ABHD3: variants seen among roughly 807,000 people sequenced by gnomAD.
ABHD3 encodes phospholipase ABHD3.
Under a neutral mutation model 48.8 loss-of-function variants are expected in ABHD3, and 46 were observed. The ratio of observed to expected loss-of-function variants is 0.94; its 90% CI spans 0.74 to 1.20. The LOEUF (loss-of-function observed/expected upper bound fraction) is 1.20, where lower values mean the gene tolerates loss of function less well. ABHD3 is among the 50% of genes most tolerant of loss of function. The pLI, the probability that ABHD3 is intolerant of heterozygous loss-of-function variation, is 0.00. For missense variants in ABHD3, 490 were observed against 497.8 expected, an observed-to-expected ratio of 0.98 and a Z score of 0.15; for synonymous variants, 192 against 183.7, an observed-to-expected ratio of 1.04 and a Z score of -0.36.
At chr18:21,703,232 T>G (rs1011236260) in intron 2 of ABHD3, among the ~76,000 whole-genome samples, 2 of 37,070 alleles carry the variant, frequency 5.4e-5, no homozygotes, top group African/African-American at 2.0e-4. Context: ...CCCCCCCCAG[T>G]ATCTGCTACT....
At chr18:21,683,730 G>T (rs2040061173) in intron 4 of ABHD3, 190 bp downstream of exon 4, 2 of 381,416 alleles carry the variant, frequency 5.2e-6, no homozygotes, top group Admixed American at 4.5e-5. Flanking sequence ...CACAGACTAA[G>T]GGAATTTCCT....
intron 3 of ABHD3, among the ~76,000 whole-genome samples, chr18:21,686,081 T>G (rs970649247): frequency 2.0e-5 from 3 of 152,166 alleles, no homozygotes; most frequent in Non-Finnish European, 1.5e-5. Flanking sequence ...TGGGCTCAAG[T>G]GATCCTCCTG....
rs1397848088 is a variant in ABHD3, at chr18:21,692,734, C to T, written c.510-8769G>A. 2.6e-5 allele frequency among the ~76,000 whole-genome samples: 4 copies of T among 152,226 alleles called. No individual in the cohort carries two copies. The East Asian group carries it at 7.7e-4, about 29-fold the overall frequency. On this transcript the variant is annotated intron_variant, in intron 3 of 8. Coordinates refer to ENST00000289119, the MANE Select transcript of ABHD3 (RefSeq NM_138340.5). ...TCCCTTCTCTGCTTTAGCTGTGATCCTAAAATTTACTCAGCTGCTTTCTGA... is the reference window on the plus strand; with the variant it reads ...TCCCTTCTCTGCTTTAGCTGTGATCTTAAAATTTACTCAGCTGCTTTCTGA...
At chr18:21,687,896 T>A (rs1038726957) in intron 3 of ABHD3, among the ~76,000 whole-genome samples, 1 of 152,234 alleles carries the variant, frequency 6.6e-6, no homozygotes, top group Non-Finnish European at 1.5e-5. Context: ...CTCAGCAGCA[T>A]CTCTGGCCTC....
chr18:21,700,369 C>T (rs770225361), intron 3 of ABHD3, among the ~76,000 whole-genome samples: 11 of 151,482 alleles, frequency 7.3e-5, no homozygotes, highest in South Asian at 4.2e-4. Context: ...GGATTACAGG[C>T]GTGAGCCACT....
rs2040602137 is a variant in ABHD3, at chr18:21,704,733, G to GCGAGAGCGGGCGAGAGCGGA, written c.-69_-68insTCCGCTCTCGCCCGCTCTCG. The GCGAGAGCGGGCGAGAGCGGA allele has an allele frequency of 2.3e-6, 3 of 1,309,058 alleles. No homozygotes were observed. Among genetic ancestry groups the GCGAGAGCGGGCGAGAGCGGA allele is most frequent in the Admixed American group, 4.2e-5 (1 of 23,698 alleles). The allele number at this position is 1,309,058 out of a possible 1,614,324, so 81.1% of individuals were successfully genotyped here. On this transcript the variant is annotated 5_prime_UTR_variant, in exon 1 of 9. Transcript: ENST00000289119. Reference sequence around the variant, plus strand: ...CCGGCTGGCGAGCGGGCGAGAGCGGGCGAGAGCGGACGCGGCGCCGCTGCC... The same window carrying GCGAGAGCGGGCGAGAGCGGA: ...CCGGCTGGCGAGCGGGCGAGAGCGGGCGAGAGCGGGCGAGAGCGGACGAGAGCGGACGCGGCGCCGCTGCC...
chr18:21,658,568 C>T (rs1208235609), intron 6 of ABHD3, among the ~76,000 whole-genome samples: 1 of 152,094 alleles, frequency 6.6e-6, no homozygotes, highest in Non-Finnish European at 1.5e-5. Context: ...AATAGTGTAC[C>T]TTCACTAAAA....
At chr18:21,693,494 C>T (rs749185473) in intron 3 of ABHD3, among the ~76,000 whole-genome samples, 22 of 152,152 alleles carry the variant, frequency 1.4e-4, no homozygotes, top group Non-Finnish European at 2.6e-4. Context: ...CCAAAGAAGA[C>T]GGGTGCTCTG....
chr18:21,683,564 C>T, intron 4 of ABHD3: 1 of 508,710 alleles, frequency 2.0e-6, no homozygotes, highest in East Asian at 6.0e-5. Context: ...TCAGGAAAAG[C>T]TGGGTTGAGA....
Position 21,651,638 on chromosome 18 carries a change from T to G in ABHD3, c.1183A>C (p.Lys395Gln), listed in dbSNP as rs767102759. Residue 395 changes from lysine (K) to glutamine (Q), a missense_variant, in exon 9 of 9, where the codon AAG (lysine) becomes CAG (glutamine). Transcript: ENST00000289119. Reference sequence around the variant, plus strand: ...TCAACCATGGCTTGCACAAATTGCTTGAAGACACGATCCATGTAAGTGGAC... The same window carrying G: ...TCAACCATGGCTTGCACAAATTGCTGGAAGACACGATCCATGTAAGTGGAC... ...RQSTYMDRVF[K>Q]QFVQAMVEHG... The G allele has an allele frequency of 1.6e-5, 26 of 1,613,984 alleles. 1 individual carries two copies. The South Asian group carries it at 2.9e-4, about 18-fold the overall frequency.
intron 3 of ABHD3, among the ~76,000 whole-genome samples, chr18:21,689,660 C>A (rs144320171): frequency 6.0e-4 from 87 of 145,900 alleles, no homozygotes; most frequent in African/African-American, 2.2e-3. Flanking sequence ...AGAAAAAAAT[C>A]TTAGAATGGA....
chr18:21,679,871 G>A (rs775217857), intron 4 of ABHD3, among the ~76,000 whole-genome samples: 5 of 151,470 alleles, frequency 3.3e-5, no homozygotes, highest in Non-Finnish European at 7.4e-5. Context: ...ATGGGGTTTC[G>A]CCATGTTGGC....
chr18:21,703,918 G>T, intron 1 of ABHD3, 171 bp from the exon 2 acceptor site: 1 of 642,250 alleles, frequency 1.6e-6, no homozygotes, highest in Non-Finnish European at 2.6e-6. Context: ...CGGGGGTTTC[G>T]CCAATGCCCC....
At chr18:21,660,769 T>A (rs2039474538) in intron 5 of ABHD3, among the ~76,000 whole-genome samples, 1 of 152,182 alleles carries the variant, frequency 6.6e-6, no homozygotes, top group Non-Finnish European at 1.5e-5. Flanking sequence ...ACAACTGAAC[T>A]ATCTGTATAC....
intron 4 of ABHD3, among the ~76,000 whole-genome samples, chr18:21,681,456 T>G (rs557028362): frequency 6.6e-6 from 1 of 152,262 alleles, no homozygotes; most frequent in East Asian, 1.9e-4. Context: ...CCCCTCCGTC[T>G]GCTTTCAAAC....
In ABHD3 at chr18:21,703,602, G is replaced by C. The variant is rs762429248; in HGVS notation, c.308C>G (p.Pro103Arg). Residue 103 changes from proline to arginine, a missense_variant, in exon 2 of 9, where the codon CCC becomes CGC. Transcript: ENST00000289119. ...CACTTACTTCCTGTACTGCACCGGG[G>C]GCTTCGAAGTGATGAAAGGTCTAAG... is the stretch of plus-strand genomic sequence containing the variant. ...TLLRPFITSK[P>R]PVQYRNELIK... 2 of 1,613,088 alleles carry C rather than the reference G, an allele frequency of 1.2e-6. No individual in the cohort carries two copies.
At chr18:21,699,499 T>A (rs2040458778) in intron 3 of ABHD3, among the ~76,000 whole-genome samples, 1 of 152,224 alleles carries the variant, frequency 6.6e-6, no homozygotes. Flanking sequence ...TAGTGGTCTT[T>A]AAAACTACCT....
intron 5 of ABHD3, 103 bp downstream of exon 5, chr18:21,664,015 T>G (rs11665314): frequency 0.18 from 259,850 of 1,442,018 alleles, 24,620 homozygotes; most frequent in Middle Eastern, 0.25. Flanking sequence ...AATCAGACAT[T>G]TATTTAAAAA....
chr18:21,660,486 T>C (rs2847131), intron 5 of ABHD3, among the ~76,000 whole-genome samples: 2,412 of 152,336 alleles, frequency 0.016, 63 homozygotes, highest in African/African-American at 0.054. Flanking sequence ...ATGCTAATTC[T>C]ATTTTGGTAA....
Sources: gnomAD v4.1 joint callset for allele counts (sites outside exome capture counted in the v4.1 genomes callset) on GRCh38, gnomAD v4.1.1 for gene constraint, MANE v1.5 for transcripts, NCBI Gene and HGNC (gene_info 2026-07-23, HGNC 2026-07-21) for gene names.